Variants in MLANA observed in about 807,000 individuals in gnomAD.
MLANA encodes melanoma antigen recognized by T-cells 1.
A neutral mutation model predicts 15.7 loss-of-function variants in MLANA; 21 were observed. That is an observed-to-expected ratio of 1.33 (90% confidence interval 0.95 to 1.92). The LOEUF (loss-of-function observed/expected upper bound fraction) is 1.92, where lower values mean the gene tolerates loss of function less well. Ranked by LOEUF, MLANA falls within the 40% of genes most tolerant of loss-of-function variation. The pLI is 0.00. For missense variants in MLANA, 164 were observed against 143.8 expected, an observed-to-expected ratio of 1.14 and a Z score of -0.72; for synonymous variants, 56 against 51.5, an observed-to-expected ratio of 1.09 and a Z score of -0.37.
chr9:5,906,993 C>A lies in MLANA; in HGVS notation c.283C>A (p.Pro95Thr), dbSNP rs774398146. 1.5e-5 allele frequency: 24 copies of A among 1,587,676 alleles called. No individual in the cohort carries two copies. The highest frequency in any genetic ancestry group is 2.0e-5 in the Non-Finnish European group (23 of 1,169,652). Residue 95 changes from proline (P) to threonine (T), a missense_variant, in exon 4 of 5, where the codon CCT becomes ACT. Physicochemically the swap from Pro to Thr is conservative, Grantham distance 38 (BLOSUM62 -1). Coordinates refer to ENST00000381477, the MANE Select transcript of MLANA (RefSeq NM_005511.2). ...KVSLQEKNCE[P>T]VVPNAPPAYE... The stretch of plus-strand genomic sequence containing the variant: ...GTCTCTTCAAGAGAAAAACTGTGAA[C>A]CTGTGGTAGGTTAAGATCCTTCATA...
At chr9:5,908,345 A>G (rs142817730) in intron 4 of MLANA, among the ~76,000 whole-genome samples, 1 of 152,238 alleles carries the variant, frequency 6.6e-6, no homozygotes, top group Non-Finnish European at 1.5e-5. Flanking sequence ...ATAGCATTCA[A>G]TGATTCGTTA....
intron 3 of MLANA, 147 bp downstream of exon 3, chr9:5,897,800 T>C: frequency 1.4e-6 from 1 of 727,872 alleles, no homozygotes. Flanking sequence ...TGCTACATTG[T>C]ACTTTGGCAA....
intron 3 of MLANA, among the ~76,000 whole-genome samples, chr9:5,903,614 A>G (rs1832592707): frequency 6.6e-6 from 1 of 152,312 alleles, no homozygotes; most frequent in Admixed American, 6.5e-5. Flanking sequence ...CTCCAACTTC[A>G]TAGTGGATGC....
intron 3 of MLANA, among the ~76,000 whole-genome samples, chr9:5,905,977 T>C (rs1313692548): frequency 1.3e-5 from 2 of 152,118 alleles, no homozygotes; most frequent in African/African-American, 4.8e-5. Flanking sequence ...TAATTTCAAG[T>C]ATATATAAGC....
chr9:5,907,412 T>C (rs925431554), intron 4 of MLANA, among the ~76,000 whole-genome samples: 2 of 152,218 alleles, frequency 1.3e-5, no homozygotes, highest in African/African-American at 4.8e-5. Context: ...CTGTGCTGTC[T>C]GATGGCTTAG....
chr9:5,893,629 G>T (rs903853648), intron 2 of MLANA, among the ~76,000 whole-genome samples: 20 of 152,160 alleles, frequency 1.3e-4, no homozygotes, highest in Non-Finnish European at 2.1e-4. Flanking sequence ...CATTGCCCGT[G>T]CTATTAGTTA....
At chr9:5,900,309 T>C (rs1832331005) in intron 3 of MLANA, among the ~76,000 whole-genome samples, 1 of 152,198 alleles carries the variant, frequency 6.6e-6, no homozygotes, top group Admixed American at 6.5e-5. Context: ...TTGTAGTTTC[T>C]GAGACTTTTT....
intron 3 of MLANA, among the ~76,000 whole-genome samples, chr9:5,904,459 G>A (rs1563819575): frequency 6.6e-6 from 1 of 151,568 alleles, no homozygotes; most frequent in South Asian, 2.1e-4. Flanking sequence ...CTCCTTTCTT[G>A]GCATATCAGT....
chr9:5,906,892 G>C lies in MLANA; in HGVS notation c.182G>C (p.Ser61Thr), dbSNP rs778135796. The change falls in exon 4 of 5, where the codon AGT becomes ACT. Residue 61 changes from serine to threonine, a missense_variant. Transcript: ENST00000381477. ...RNGYRALMDKSLHVGTQCALT... is the reference protein window; with the variant it reads ...RNGYRALMDKTLHVGTQCALT... ...TATCAATTTACATTTCAGGATAAAA[G>C]TCTTCATGTTGGCACTCAATGTGCC... is the stretch of plus-strand genomic sequence containing the variant. The C allele has an allele frequency of 2.5e-6, 4 of 1,576,618 alleles. No individual in the cohort carries two copies. The African/African-American group carries it at 5.5e-5, about 22-fold the overall frequency.
In MLANA at chr9:5,892,432, A is replaced by T; in HGVS notation, c.-25-18A>T. On this transcript the variant is annotated intron_variant, in intron 1 of 4. Transcript: ENST00000381477. The stretch of plus-strand genomic sequence containing the variant: ...GGCTTTGGATGCATTAATGATGCCC[A>T]CATGCTCCTTCTGTTAGGTGTCCTG... The T allele has an allele frequency of 6.3e-7, 1 of 1,584,302 alleles. No individual in the cohort carries two copies. Among genetic ancestry groups the T allele is most frequent in the Non-Finnish European group, 8.6e-7 (1 of 1,162,376 alleles).
intron 3 of MLANA, among the ~76,000 whole-genome samples, chr9:5,903,662 A>G (rs1832596316): frequency 1.3e-5 from 2 of 151,914 alleles, no homozygotes; most frequent in Non-Finnish European, 2.9e-5. Flanking sequence ...TTTTTATCTC[A>G]TGTATTTTGA....
chr9:5,906,826 T>C, intron 3 of MLANA, 59 bp from the exon 4 acceptor site: 1 of 1,167,106 alleles, frequency 8.6e-7, no homozygotes, highest in Non-Finnish European at 1.2e-6. Context: ...CCTTCTCTTT[T>C]CTTTAATGGA....
chr9:5,901,479 T>C (rs1241242090), intron 3 of MLANA, among the ~76,000 whole-genome samples: 8 of 152,228 alleles, frequency 5.3e-5, no homozygotes, highest in Admixed American at 5.2e-4. Flanking sequence ...ATCTTGCAAA[T>C]TTCTTCTTTA....
Position 5,908,655 on chromosome 9 carries a change from C to A in MLANA, c.304C>A (p.Pro102Thr). ...NCEPVVPNAP[P>T]AYEKLSAEQS... The stretch of plus-strand genomic sequence containing the variant: ...GTTCTCACAGGTTCCCAATGCTCCA[C>A]CTGCTTATGAGAAACTCTCTGCAGA... The change falls in exon 5 of 5, where the codon CCT (proline) becomes ACT (threonine). Residue 102 changes from proline to threonine, a missense_variant. By Grantham distance (38) the Pro-to-Thr change is conservative. Transcript: ENST00000381477. The A allele has an allele frequency of 6.2e-7, 1 of 1,614,044 alleles. No homozygotes were observed.
At chr9:5,895,215 T>C (rs1419921875) in intron 2 of MLANA, among the ~76,000 whole-genome samples, 3 of 152,152 alleles carry the variant, frequency 2.0e-5, no homozygotes, top group South Asian at 2.1e-4. Context: ...AACCCCTGAA[T>C]ACATGGAACA....
chr9:5,906,877 C>T lies in MLANA; in HGVS notation c.175-8C>T. ...TCACCCACTCACCTTTATCAATTTA[C>T]ATTTCAGGATAAAAGTCTTCATGTT... On this transcript the variant is annotated splice_polypyrimidine_tract_variant and splice_region_variant and intron_variant, in intron 3 of 4. Transcript: ENST00000381477. 1 of 1,537,452 alleles carries T rather than the reference C, an allele frequency of 6.5e-7. No individual in the cohort carries two copies. The highest frequency in any genetic ancestry group is 8.8e-7 in the Non-Finnish European group (1 of 1,141,246).
chr9:5,903,750 T>A (rs1832604297), intron 3 of MLANA, among the ~76,000 whole-genome samples: 1 of 152,248 alleles, frequency 6.6e-6, no homozygotes, highest in Admixed American at 6.5e-5. Flanking sequence ...CGTTATGTAA[T>A]ATCCCTCTTT....
chr9:5,893,656 T>C (rs1321057074), intron 2 of MLANA, among the ~76,000 whole-genome samples: 1 of 152,142 alleles, frequency 6.6e-6, no homozygotes, highest in African/African-American at 2.4e-5. Context: ...CGTTTCAGCT[T>C]GTGTATAATC....
chr9:5,902,485 G>A (rs1457441641), intron 3 of MLANA, among the ~76,000 whole-genome samples: 1 of 148,822 alleles, frequency 6.7e-6, no homozygotes, highest in African/African-American at 2.5e-5. Context: ...TTTTTCTAGA[G>A]ACAGGGTCTC....
Sources: gnomAD v4.1 joint callset for allele counts (sites outside exome capture counted in the v4.1 genomes callset) on GRCh38, gnomAD v4.1.1 for gene constraint, MANE v1.5 for transcripts, NCBI Gene and HGNC (gene_info 2026-07-23, HGNC 2026-07-21) for gene names.